Variants in KNTC1 observed in about 807,000 individuals in gnomAD.
KNTC1 encodes the protein kinetochore associated 1, also known as kinetochore-associated protein 1.
Under a neutral mutation model 314.4 loss-of-function variants are expected in KNTC1, and 253 were observed. The ratio of observed to expected loss-of-function variants is 0.80; its 90% CI spans 0.73 to 0.89. KNTC1 has a LOEUF of 0.89. Among genes scored for constraint, KNTC1 ranks in the 40% least tolerant of loss-of-function variants. The pLI, the probability that KNTC1 is intolerant of heterozygous loss-of-function variation, is 0.00. For synonymous variants in KNTC1, 901 were observed against 901.4 expected (o/e 1.00, Z 0.01); for missense variants, 2,475 against 2,572.9 (o/e 0.96, Z 0.82).
Position 122,547,905 on chromosome 12 carries a change from T to G in KNTC1, c.933-10T>G. On this transcript the variant is annotated splice_polypyrimidine_tract_variant and intron_variant, in intron 11 of 63. Coordinates refer to ENST00000333479, the MANE Select transcript of KNTC1 (RefSeq NM_014708.6). ...TACTTGAATTATTTAAAGGTTCTTT[T>G]CTCTTTTAGGCAAGGAATTACAAAT... 1 of 1,481,306 alleles carries G rather than the reference T, an allele frequency of 6.8e-7. No homozygotes were observed. 91.8% of individuals were successfully genotyped at this position (1,481,306 alleles called of 1,614,324 possible).
At chr12:122,551,903 G>A (rs1963223170) in intron 16 of KNTC1, among the ~76,000 whole-genome samples, 1 of 151,410 alleles carries the variant, frequency 6.6e-6, no homozygotes, top group Non-Finnish European at 1.5e-5. Flanking sequence ...TTCAGGTCAG[G>A]TCTTTTTTTT....
chr12:122,546,611 C>G lies in KNTC1; in HGVS notation c.764-11C>G. The G allele has an allele frequency of 6.5e-7, 1 of 1,541,662 alleles. No individual in the cohort carries two copies. The highest frequency in any genetic ancestry group is 8.9e-7 in the Non-Finnish European group (1 of 1,128,154). On this transcript the variant is annotated splice_polypyrimidine_tract_variant and intron_variant, in intron 9 of 63. Transcript: ENST00000333479. The stretch of plus-strand genomic sequence containing the variant: ...ATAAAATCCTGAGACATCTTATTTT[C>G]TCTTTTGTAGGTGCAAAGAAGTTCC...
intron 21 of KNTC1, 114 bp from the exon 22 acceptor site, chr12:122,569,564 CATT>C: frequency 1.2e-6 from 1 of 809,992 alleles, no homozygotes; most frequent in Non-Finnish European, 2.0e-6. Context: ...CTTTAGCACT[CATT>C]ATTAAATCAG....
At chr12:122,590,801 T>G (rs908611304) in intron 41 of KNTC1, 66 bp downstream of exon 41, 26 of 1,489,996 alleles carry the variant, frequency 1.7e-5, no homozygotes, top group Non-Finnish European at 2.3e-5. Context: ...GAAATGAAGT[T>G]GGTTTTGCCA....
At chr12:122,574,770 C>G (rs74531795) in intron 27 of KNTC1, among the ~76,000 whole-genome samples, 1 of 152,178 alleles carries the variant, frequency 6.6e-6, no homozygotes, top group East Asian at 1.9e-4. Context: ...TTTCCACCCC[C>G]AGGGGAACCT....
chr12:122,530,011 A>T lies in KNTC1; in HGVS notation c.-53A>T. 6.3e-7 allele frequency: 1 copy of T among 1,589,204 alleles called. No individual in the cohort carries two copies. The highest frequency in any genetic ancestry group is 8.6e-7 in the Non-Finnish European group (1 of 1,166,436). On this transcript the variant is annotated 5_prime_UTR_variant, in exon 2 of 64. The change abolishes an upstream ATG in the 5' untranslated region. Coordinates refer to ENST00000333479, the MANE Select transcript of KNTC1 (RefSeq NM_014708.6). ...ACAAGATAATATGGTGTCTAATTTT[A>T]TGTTGTTCAGGAAAGACAGTGGTTC...
intron 29 of KNTC1, 21 bp from the exon 30 acceptor site, chr12:122,576,874 T>C: frequency 6.6e-7 from 1 of 1,525,918 alleles, no homozygotes; most frequent in South Asian, 1.3e-5. Flanking sequence ...AACAAAGAAA[T>C]GTTCATATTG....
Position 122,584,295 on chromosome 12 carries a change from A to G in KNTC1, c.3281A>G (p.His1094Arg). Residue 1094 changes from histidine (H) to arginine (R), a missense_variant, in exon 35 of 64, where the codon CAC (histidine) becomes CGC (arginine). Physicochemically the swap from His to Arg is conservative, Grantham distance 29. Transcript: ENST00000333479. ...TTCCAAAGCGACTTGTTTAAGTATC[A>G]CTGCAATGCTGACACTGGGAAATTG... ...LKKCSDLFKYHCNADTGKLLF... is the reference protein window; with the variant it reads ...LKKCSDLFKYRCNADTGKLLF... 2.5e-6 allele frequency: 4 copies of G among 1,610,986 alleles called. No individual in the cohort carries two copies. The highest frequency in any genetic ancestry group is 1.7e-4 in the Middle Eastern group (1 of 6,042).
intron 31 of KNTC1, among the ~76,000 whole-genome samples, chr12:122,578,754 C>G (rs940143517): frequency 1.3e-5 from 2 of 152,080 alleles, no homozygotes; most frequent in African/African-American, 4.8e-5. Flanking sequence ...AGGATAGATA[C>G]CTCCCAACTT....
intron 10 of KNTC1, 41 bp from the exon 11 acceptor site, chr12:122,547,374 T>C (rs1206867658): frequency 1.5e-6 from 2 of 1,307,330 alleles, no homozygotes; most frequent in East Asian, 2.4e-5. Context: ...AAACTCTGTC[T>C]CAAAAAAAAA....
intron 63 of KNTC1, 69 bp downstream of exon 63, chr12:122,624,757 C>G (rs1273803650): frequency 9.5e-7 from 1 of 1,053,394 alleles, no homozygotes; most frequent in Non-Finnish European, 1.5e-6. Context: ...TTAAAATTGA[C>G]AAGCCTTTTC....
chr12:122,594,245 T>C, intron 42 of KNTC1, 31 bp from the exon 43 acceptor site: 1 of 1,292,588 alleles, frequency 7.7e-7, no homozygotes. Context: ...TAGAGGGTTT[T>C]TTTGCTTTGT....
chr12:122,546,990 G>T (rs578044983), intron 10 of KNTC1, among the ~76,000 whole-genome samples: 4 of 150,626 alleles, frequency 2.7e-5, no homozygotes, highest in African/African-American at 9.8e-5. Flanking sequence ...CCATCACCAC[G>T]CCCGGCTAAT....
At position 122,603,151 on chromosome 12, in the gene KNTC1, T is replaced by C; in HGVS notation, c.5009T>C (p.Ile1670Thr). 6.2e-7 allele frequency: 1 copy of C among 1,613,466 alleles called. No individual in the cohort carries two copies. The highest frequency in any genetic ancestry group is 8.5e-7 in the Non-Finnish European group (1 of 1,179,764). The part of the protein sequence containing the change: ...STLINKEITK[I>T]TQTIESCLLS... ...CTGATTAACAAGGAAATAACTAAGA[T>C]CACGCAGACCATCGAATCCTGCTTA... is the stretch of plus-strand genomic sequence containing the variant. The change falls in exon 48 of 64, where the codon ATC becomes ACC. Residue 1670 changes from isoleucine (I) to threonine (T), a missense_variant. Coordinates refer to ENST00000333479, the MANE Select transcript of KNTC1 (RefSeq NM_014708.6).
At chr12:122,607,879 G>A (rs1433235909) in intron 51 of KNTC1, among the ~76,000 whole-genome samples, 1 of 152,132 alleles carries the variant, frequency 6.6e-6, no homozygotes, top group East Asian at 1.9e-4. Context: ...TATAGGTGAT[G>A]TATTACTTTC....
intron 44 of KNTC1, among the ~76,000 whole-genome samples, chr12:122,599,073 TATC>T (rs1871461426): frequency 6.6e-6 from 1 of 152,164 alleles, no homozygotes; most frequent in African/African-American, 2.4e-5. Context: ...TAAATTTTAT[TATC>T]ATAAATTGTT....
Position 122,547,412 on chromosome 12 carries a change from C to T in KNTC1, c.817-3C>T, listed in dbSNP as rs1465059010. 1 of 1,571,558 alleles carries T rather than the reference C, an allele frequency of 6.4e-7. No homozygotes were observed. Among genetic ancestry groups the T allele is most frequent in the Middle Eastern group, 1.7e-4 (1 of 6,002 alleles). On this transcript the variant is annotated splice_polypyrimidine_tract_variant and splice_region_variant and intron_variant, in intron 10 of 63. Coordinates refer to ENST00000333479, the MANE Select transcript of KNTC1 (RefSeq NM_014708.6). Reference sequence around the variant, plus strand: ...ACATGTAAATGAAATGTCTCTATTGCAGAACGTGCTGAGTTTATGGGATAT... The same window carrying T: ...ACATGTAAATGAAATGTCTCTATTGTAGAACGTGCTGAGTTTATGGGATAT...
At chr12:122,579,763 C>T (rs371123855) in intron 31 of KNTC1, 142 bp from the exon 32 acceptor site, 16 of 622,018 alleles carry the variant, frequency 2.6e-5, no homozygotes, top group South Asian at 1.2e-4. Flanking sequence ...GTATAACGCT[C>T]ATTAACCATC....
At chr12:122,573,812 T>C (rs1964853959) in intron 26 of KNTC1, among the ~76,000 whole-genome samples, 1 of 152,174 alleles carries the variant, frequency 6.6e-6, no homozygotes, top group South Asian at 2.1e-4. Context: ...AATCAGATAA[T>C]GCAGCTGTCT....
Sources: allele counts gnomAD v4.1 joint callset (sites outside exome capture counted in the v4.1 genomes callset), GRCh38; gene constraint gnomAD v4.1.1; transcripts MANE v1.5; gene names NCBI Gene and HGNC (gene_info 2026-07-23, HGNC 2026-07-21).